The following NT5DC1 variants were observed in gnomAD, a reference collection of about 807,000 sequenced individuals.
NT5DC1 encodes 5'-nucleotidase domain-containing protein 1.
NT5DC1 carries 42 observed loss-of-function variants against 59.4 expected under a neutral mutation model. The observed-to-expected ratio is 0.71, with a 90% CI of 0.55 to 0.92. The LOEUF is 0.92. Among genes scored for constraint, NT5DC1 ranks in the 40% least tolerant of loss-of-function variants. The pLI is 0.00. For synonymous variants in NT5DC1, 172 were observed against 188.1 expected, an observed-to-expected ratio of 0.91 and a Z score of 0.70; for missense variants, 501 against 537.1, an observed-to-expected ratio of 0.93 and a Z score of 0.66.
chr6:116,165,920 C>T (rs912318610), intron 6 of NT5DC1, among the ~76,000 whole-genome samples: 3 of 152,216 alleles, frequency 2.0e-5, no homozygotes, highest in Admixed American at 2.0e-4. Context: ...AATGCACAAC[C>T]AGTATGGTGT....
At chr6:116,167,206 A>ATTTTTTTTTT (rs61348980) in intron 6 of NT5DC1, among the ~76,000 whole-genome samples, 1 of 87,796 alleles carries the variant, frequency 1.1e-5, no homozygotes, top group Non-Finnish European at 2.1e-5. Flanking sequence ...CAAATAGAAG[A>ATTTTTTTTTT]TTTTTTTTTT....
Position 116,100,900 on chromosome 6 carries a change from C to G in NT5DC1, c.-31C>G. Reference sequence around the variant, plus strand: ...GCCAGCTCCTTGCACCCTTCGCGGCCGAGGCGCTCCCTGGTGCTCCCCGCG... The same window carrying G: ...GCCAGCTCCTTGCACCCTTCGCGGCGGAGGCGCTCCCTGGTGCTCCCCGCG... On this transcript the variant is annotated 5_prime_UTR_variant, in exon 1 of 12. Coordinates refer to ENST00000319550, the MANE Select transcript of NT5DC1 (RefSeq NM_152729.3). The G allele has an allele frequency of 6.4e-7, 1 of 1,562,564 alleles. No individual in the cohort carries two copies. Among genetic ancestry groups the G allele is most frequent in the South Asian group, 1.1e-5 (1 of 87,450 alleles).
At chr6:116,191,419 G>A (rs1044326280) in intron 6 of NT5DC1, among the ~76,000 whole-genome samples, 5 of 152,104 alleles carry the variant, frequency 3.3e-5, no homozygotes, top group Admixed American at 2.0e-4. Context: ...GGAGATTCAC[G>A]GGAAAGAAGA....
At chr6:116,104,143 G>A (rs754926008) in intron 1 of NT5DC1, among the ~76,000 whole-genome samples, 4 of 152,170 alleles carry the variant, frequency 2.6e-5, no homozygotes, top group South Asian at 2.1e-4. Context: ...GAGACTCAGC[G>A]TACTCTAAGG....
chr6:116,208,237 T>G (rs1781498748), intron 6 of NT5DC1, among the ~76,000 whole-genome samples: 1 of 152,072 alleles, frequency 6.6e-6, no homozygotes. Context: ...GAGTCTGCTT[T>G]GCCCGGAGGC....
chr6:116,194,305 C>T (rs887705671), intron 6 of NT5DC1, among the ~76,000 whole-genome samples: 1 of 152,026 alleles, frequency 6.6e-6, no homozygotes, highest in Non-Finnish European at 1.5e-5. Flanking sequence ...TAGCACATTA[C>T]TTGTTTTCAC....
intron 6 of NT5DC1, among the ~76,000 whole-genome samples, chr6:116,170,112 A>G (rs538858043): frequency 2.0e-5 from 3 of 152,240 alleles, no homozygotes; most frequent in African/African-American, 7.2e-5. Context: ...GTTTAGAAGG[A>G]TAAGGGGAAA....
intron 6 of NT5DC1, among the ~76,000 whole-genome samples, chr6:116,216,204 A>G (rs934448812): frequency 4.6e-5 from 7 of 152,180 alleles, no homozygotes; most frequent in African/African-American, 7.2e-5. Flanking sequence ...GTACAAGGCT[A>G]TATGTTAGGT....
intron 6 of NT5DC1, among the ~76,000 whole-genome samples, chr6:116,171,913 T>C (rs1344510943): frequency 3.9e-5 from 6 of 152,166 alleles, no homozygotes; most frequent in Non-Finnish European, 8.8e-5. Context: ...AGTCCGAGAG[T>C]GAGAGAGTTT....
At chr6:116,125,203 T>C (rs992714969) in intron 6 of NT5DC1, 1 of 890,238 alleles carries the variant, frequency 1.1e-6, no homozygotes, top group African/African-American at 1.7e-5. Flanking sequence ...ACAGATCACT[T>C]TGTTGTAATA....
At chr6:116,235,170 T>G (rs1178057317) in intron 8 of NT5DC1, among the ~76,000 whole-genome samples, 1 of 152,120 alleles carries the variant, frequency 6.6e-6, no homozygotes, top group Non-Finnish European at 1.5e-5. Flanking sequence ...AAAGTAGATA[T>G]CTACATATCA....
chr6:116,121,283 G>A lies in NT5DC1; in HGVS notation c.529+3338G>A, dbSNP rs553548577. On this transcript the variant is annotated intron_variant, in intron 6 of 11. Coordinates refer to ENST00000319550, the MANE Select transcript of NT5DC1 (RefSeq NM_152729.3). ...AGCCCCAGGGAGACCTTTTGTTCCT[G>A]GAATCCCTGGCTGGCCTGGGGCTCC... 5 of 1,614,022 alleles carry A rather than the reference G, an allele frequency of 3.1e-6. No individual in the cohort carries two copies. The East Asian group carries it at 1.1e-4, about 36-fold the overall frequency.
chr6:116,145,390 G>T, intron 6 of NT5DC1: 2 of 329,278 alleles, frequency 6.1e-6, no homozygotes, highest in South Asian at 2.5e-5. Flanking sequence ...AAGAAGAAAT[G>T]CTGATTTTCA....
At chr6:116,170,309 T>C (rs774834620) in intron 6 of NT5DC1, among the ~76,000 whole-genome samples, 1 of 152,166 alleles carries the variant, frequency 6.6e-6, no homozygotes, top group African/African-American at 2.4e-5. Flanking sequence ...ATATGTACTT[T>C]TTTTTTAATT....
intron 6 of NT5DC1, chr6:116,118,798 G>A (rs1305790780): frequency 6.6e-6 from 1 of 152,206 alleles, no homozygotes; most frequent in Non-Finnish European, 1.5e-5. Context: ...CCTTGACCCT[G>A]ACTCAGATTG....
At position 116,238,354 on chromosome 6, in the gene NT5DC1, G is replaced by T. The variant is rs375829183; in HGVS notation, c.1083+6G>T. On this transcript the variant is annotated splice_donor_region_variant and intron_variant, in intron 10 of 11. Coordinates refer to ENST00000319550, the MANE Select transcript of NT5DC1 (RefSeq NM_152729.3). Reference sequence around the variant, plus strand: ...AGAAGAAAGGAAAATATGAGGTAAGGGTTCCCTGCAGCTCTTTCCTTGAAA... The same window carrying T: ...AGAAGAAAGGAAAATATGAGGTAAGTGTTCCCTGCAGCTCTTTCCTTGAAA... The T allele has an allele frequency of 5.1e-6, 8 of 1,572,086 alleles. No homozygotes were observed. Among genetic ancestry groups the T allele is most frequent in the South Asian group, 1.2e-5 (1 of 84,210 alleles).
chr6:116,129,182 T>C (rs1779401507), intron 6 of NT5DC1, among the ~76,000 whole-genome samples: 1 of 152,198 alleles, frequency 6.6e-6, no homozygotes, highest in African/African-American at 2.4e-5. Context: ...CTTAATATCA[T>C]CAAATCCTGT....
Position 116,247,240 on chromosome 6 carries a change from C to A in NT5DC1, c.*3216C>A, listed in dbSNP as rs1475047015. The A allele has an allele frequency of 6.6e-6, 1 of 152,126 alleles. No individual in the cohort carries two copies. The highest frequency in any genetic ancestry group is 1.5e-5 in the Non-Finnish European group (1 of 68,006). The allele number at this position is 152,126 out of a possible 1,614,324, so 9.4% of individuals were successfully genotyped here. On this transcript the variant is annotated 3_prime_UTR_variant, in exon 12 of 12. Transcript: ENST00000319550. ...AGAGGGATTAACATTGAAGACACAG[C>A]CTCTATCTTTAAGTAATTCATAATT...
intron 8 of NT5DC1, among the ~76,000 whole-genome samples, chr6:116,234,086 G>T (rs902410909): frequency 7.3e-6 from 1 of 137,682 alleles, no homozygotes. Context: ...TCAGCCTCCC[G>T]AGTAGCTGGG....
Sources: allele counts gnomAD v4.1 joint callset (sites outside exome capture counted in the v4.1 genomes callset), GRCh38; gene constraint gnomAD v4.1.1; transcripts MANE v1.5; gene names NCBI Gene and HGNC (gene_info 2026-07-23, HGNC 2026-07-21).